SEMA4F: variants seen among roughly 807,000 people sequenced by gnomAD.
SEMA4F encodes ssemaphorin 4F.
A neutral mutation model predicts 78.4 loss-of-function variants in SEMA4F; 51 were observed. The observed-to-expected ratio is 0.65, with a 90% CI of 0.52 to 0.82. SEMA4F has a LOEUF of 0.82. Among genes scored for constraint, SEMA4F ranks in the 40% least tolerant of loss-of-function variants. The probability of loss-of-function intolerance (pLI) is 0.00; values close to 1 mark genes in which losing one functional copy is unlikely to be tolerated. For missense variants in SEMA4F, 938 were observed against 1,014.4 expected (o/e 0.92, Z 1.02); for synonymous variants, 418 against 408.7 (o/e 1.02, Z -0.27).
chr2:74,664,766 T>C (rs959106791), intron 5 of SEMA4F, among the ~76,000 whole-genome samples: 5 of 152,232 alleles, frequency 3.3e-5, no homozygotes, highest in South Asian at 2.1e-4. Context: ...ATTTCTTCTT[T>C]GGTAAATCCT....
At chr2:74,705,482 A>G in the SEMA4F span, among the ~76,000 whole-genome samples, 2 of 152,240 alleles carry the variant, frequency 1.3e-5, no homozygotes, top group Non-Finnish European at 2.9e-5. Flanking sequence ...AAATCTATTT[A>G]TGGTCAATGA....
the SEMA4F span, among the ~76,000 whole-genome samples, chr2:74,699,627 A>C: frequency 1.3e-5 from 2 of 152,212 alleles, no homozygotes; most frequent in African/African-American, 4.8e-5. Flanking sequence ...TAAGATTAAG[A>C]GAGGATGGAA....
chr2:74,675,690 T>G, intron 11 of SEMA4F, 56 bp downstream of exon 11: 1 of 1,613,348 alleles, frequency 6.2e-7, no homozygotes, highest in African/African-American at 1.3e-5. Context: ...CAGAGCCAGT[T>G]TGTGACCCTG....
At chr2:74,702,268 T>G in the SEMA4F span, among the ~76,000 whole-genome samples, 1 of 152,158 alleles carries the variant, frequency 6.6e-6, no homozygotes, top group Admixed American at 6.5e-5. Flanking sequence ...AGTGTTGAAG[T>G]GACATCTCAA....
In SEMA4F at chr2:74,679,322, A is replaced by G. The variant is rs1685452505; in HGVS notation, c.1690A>G (p.Lys564Glu). ...AGCAGATGTCTCCTCTTTGTGTCCTAAAGAGCCTGGAGGTCTGTATGGTCT... is the reference window on the plus strand; with the variant it reads ...AGCAGATGTCTCCTCTTTGTGTCCTGAAGAGCCTGGAGGTCTGTATGGTCT... ...ESADVSSLCP[K>E]EPGERPVVFE... Residue 564 changes from lysine to glutamate, a missense_variant, in exon 13 of 14, where the codon AAA (lysine) becomes GAA (glutamate). Physicochemically the swap from Lys to Glu is moderately conservative, Grantham distance 56. Coordinates refer to ENST00000357877, the MANE Select transcript of SEMA4F (RefSeq NM_004263.5). 6.2e-7 allele frequency: 1 copy of G among 1,612,926 alleles called. No individual in the cohort carries two copies. Among genetic ancestry groups the G allele is most frequent in the African/African-American group, 1.3e-5 (1 of 74,902 alleles).
Position 74,673,762 on chromosome 2 carries a change from G to A in SEMA4F, c.756G>A (p.Thr252=), listed in dbSNP as rs897613198. Residue 252 remains threonine (T), a synonymous_variant, in exon 7 of 14, where the codon ACG becomes ACA. Transcript: ENST00000357877. ...ACGACGAAATCTACTTCTTCTTTACGGAGACTTCCCGAGCATTTGACTCAT... is the reference window on the plus strand; with the variant it reads ...ACGACGAAATCTACTTCTTCTTTACAGAGACTTCCCGAGCATTTGACTCAT... ...DGDDEIYFFF[T]ETSRAFDSYE... is the part of the protein sequence containing the mutation. 9.3e-6 allele frequency: 15 copies of A among 1,614,174 alleles called. No individual in the cohort carries two copies. Among genetic ancestry groups the A allele is most frequent in the East Asian group, 2.2e-5 (1 of 44,880 alleles).
chr2:74,674,682 G>A lies in SEMA4F; in HGVS notation c.1001+6G>A. On this transcript the variant is annotated splice_donor_region_variant and intron_variant, in intron 8 of 13. Coordinates refer to ENST00000357877, the MANE Select transcript of SEMA4F (RefSeq NM_004263.5). ...GGCATCTTTTCTTCCCAGTGGTGAG[G>A]GGTCTTGGTGTGGAGGAGAGTTACA... is the stretch of plus-strand genomic sequence containing the variant. The A allele has an allele frequency of 6.2e-7, 1 of 1,613,426 alleles. No homozygotes were observed. The highest frequency in any genetic ancestry group is 1.1e-5 in the South Asian group (1 of 90,976).
chr2:74,675,525 A>G lies in SEMA4F; in HGVS notation c.1373A>G (p.Glu458Gly), dbSNP rs1187862289. The part of the protein sequence containing the change: ...KEYDVLYLGT[E>G]DGHLHRAVRI... ...TTCTTGTTCCTTTCCTGTCCCCTAG[A>G]GGATGGACACCTCCACCGAGCAGTG... The change falls in exon 11 of 14, where the codon GAG becomes GGG. Residue 458 changes from glutamate (E) to glycine (G), a missense_variant and splice_region_variant. By Grantham distance (98) the Glu-to-Gly change is moderately conservative. Transcript: ENST00000357877. The G allele has an allele frequency of 6.2e-7, 1 of 1,613,594 alleles. No homozygotes were observed. The highest frequency in any genetic ancestry group is 2.2e-5 in the East Asian group (1 of 44,888).
Position 74,654,446 on chromosome 2 carries a change from C to A in SEMA4F, c.70C>A (p.Leu24Met). Residue 24 changes from leucine (L) to methionine (M), a missense_variant, in exon 1 of 14, where the codon CTG becomes ATG. Transcript: ENST00000357877. Reference sequence around the variant, plus strand: ...TACAGCCTCGCCCTTCCCGCTACTGCTGCTGGCGGTGCTGAGCGGCCCGGT... The same window carrying A: ...TACAGCCTCGCCCTTCCCGCTACTGATGCTGGCGGTGCTGAGCGGCCCGGT... Reference protein sequence around the residue: ...QPTASPFPLLLLAVLSGPVSG... With the variant: ...QPTASPFPLLMLAVLSGPVSG... The A allele has an allele frequency of 6.4e-7, 1 of 1,574,532 alleles. No individual in the cohort carries two copies.
chr2:74,654,352 C>G lies in SEMA4F; in HGVS notation c.-25C>G. 1 of 1,462,984 alleles carries G rather than the reference C, an allele frequency of 6.8e-7. No individual in the cohort carries two copies. Among genetic ancestry groups the G allele is most frequent in the East Asian group, 2.8e-5 (1 of 35,406 alleles). 90.6% of individuals were successfully genotyped at this position (1,462,984 alleles called of 1,614,324 possible). ...TGAGCAGAGGCCGTAGCTTGCGCCG[C>G]ACCCGCGGCCAGGCGGAGCCAAAGA... On this transcript the variant is annotated 5_prime_UTR_variant, in exon 1 of 14. Coordinates refer to ENST00000357877, the MANE Select transcript of SEMA4F (RefSeq NM_004263.5).
chr2:74,660,321 G>A (rs180847911), intron 4 of SEMA4F, among the ~76,000 whole-genome samples: 18 of 152,350 alleles, frequency 1.2e-4, no homozygotes, highest in Admixed American at 5.2e-4. Context: ...CTAGCCTGCA[G>A]CCCAGAAGAC....
chr2:74,671,645 T>C (rs957837147), intron 5 of SEMA4F, among the ~76,000 whole-genome samples: 7 of 152,384 alleles, frequency 4.6e-5, no homozygotes, highest in African/African-American at 1.7e-4. Flanking sequence ...TTGCTGACTC[T>C]GGCCCTGTTC....
rs371410540 is a variant in SEMA4F, at chr2:74,656,629, G to A, written c.241G>A (p.Ala81Thr). The part of the protein sequence containing the change: ...DPASHTLYVG[A>T]RDTIFALSLP... ...TGCCTCCCACACACTTTATGTTGGCGCCCGGGACACCATCTTCGCTTTATC... is the reference window on the plus strand; with the variant it reads ...TGCCTCCCACACACTTTATGTTGGCACCCGGGACACCATCTTCGCTTTATC... The change falls in exon 2 of 14, where the codon GCC becomes ACC. Residue 81 changes from alanine to threonine, a missense_variant. Transcript: ENST00000357877. The A allele has an allele frequency of 7.4e-6, 12 of 1,613,988 alleles. No individual in the cohort carries two copies. In the East Asian group the frequency reaches 1.8e-4, roughly 24 times the overall value.
Position 74,679,612 on chromosome 2 carries a change from G to A in SEMA4F, c.1716G>A (p.Val572=), listed in dbSNP as rs148445287. ...CPKEPGERPV[V]FEVPVATAAH... is the part of the protein sequence containing the mutation. ...TGTTTCTCACAGAACGTCCAGTAGTGTTTGAAGTTCCCGTGGCTACAGCTG... is the reference window on the plus strand; with the variant it reads ...TGTTTCTCACAGAACGTCCAGTAGTATTTGAAGTTCCCGTGGCTACAGCTG... Residue 572 remains valine, a synonymous_variant, in exon 14 of 14, where the codon GTG becomes GTA. Coordinates refer to ENST00000357877, the MANE Select transcript of SEMA4F (RefSeq NM_004263.5). 6.2e-7 allele frequency: 1 copy of A among 1,602,914 alleles called. No individual in the cohort carries two copies. The highest frequency in any genetic ancestry group is 8.5e-7 in the Non-Finnish European group (1 of 1,173,702).
intron 5 of SEMA4F, among the ~76,000 whole-genome samples, chr2:74,665,994 G>A (rs924626162): frequency 1.3e-5 from 2 of 151,006 alleles, no homozygotes; most frequent in East Asian, 1.9e-4. Context: ...TGCAACCTTC[G>A]TCTCACAGGT....
At chr2:74,705,923 T>G in the SEMA4F span, among the ~76,000 whole-genome samples, 1 of 152,070 alleles carries the variant, frequency 6.6e-6, no homozygotes, top group African/African-American at 2.4e-5. Flanking sequence ...CACTAGTATC[T>G]TGGTGTTTGG....
At chr2:74,697,764 T>A in the SEMA4F span, among the ~76,000 whole-genome samples, 1 of 152,214 alleles carries the variant, frequency 6.6e-6, no homozygotes, top group Non-Finnish European at 1.5e-5. Context: ...GTGTTCTTGA[T>A]GTTCCTTTGG....
the SEMA4F span, among the ~76,000 whole-genome samples, chr2:74,692,453 C>T: frequency 6.6e-6 from 1 of 152,188 alleles, no homozygotes; most frequent in Non-Finnish European, 1.5e-5. Context: ...TGCCTATGAC[C>T]TTCAGCCCCA....
chr2:74,674,905 C>G lies in SEMA4F; in HGVS notation c.1019C>G (p.Ser340Cys). Residue 340 changes from serine to cysteine, a missense_variant, in exon 9 of 14, where the codon TCT becomes TGT. By Grantham distance (112) the Ser-to-Cys change is moderately radical. Transcript: ENST00000357877. ...AATTCCAGGGAGGGGGCTACTATCTCTGCTGTCTGTGCCTTCCGACCACAA... is the reference window on the plus strand; with the variant it reads ...AATTCCAGGGAGGGGGCTACTATCTGTGCTGTCTGTGCCTTCCGACCACAA... ...FSSQWEGATI[S>C]AVCAFRPQDI... 1 of 1,614,058 alleles carries G rather than the reference C, an allele frequency of 6.2e-7. No individual in the cohort carries two copies. The highest frequency in any genetic ancestry group is 1.3e-5 in the African/African-American group (1 of 74,978).
Sources: allele counts gnomAD v4.1 joint callset (sites outside exome capture counted in the v4.1 genomes callset), GRCh38; gene constraint gnomAD v4.1.1; transcripts MANE v1.5; gene names NCBI Gene and HGNC (gene_info 2026-07-23, HGNC 2026-07-21).